The following CERT1 variants were observed in gnomAD, a reference collection of about 807,000 sequenced individuals.
CERT1 encodes ceramide transporter 1, also known as ceramide transfer protein.
CERT1 carries 31 observed loss-of-function variants against 87.9 expected under a neutral mutation model. That is an observed-to-expected ratio of 0.35 (90% confidence interval 0.27 to 0.48). The LOEUF is 0.48. CERT1 is among the 20% of genes least tolerant of loss of function. The pLI is 0.99. For missense variants in CERT1, 487 were observed against 758.0 expected (o/e 0.64, Z 4.20); for synonymous variants, 289 against 250.9 (o/e 1.15, Z -1.44).
chr5:75,423,989 C>T (rs1763496223), intron 5 of CERT1, among the ~76,000 whole-genome samples: 1 of 152,038 alleles, frequency 6.6e-6, no homozygotes, highest in Non-Finnish European at 1.5e-5. Context: ...GTCAAGCCAC[C>T]TAGTTATATT....
chr5:75,430,184 T>C (rs982837482), intron 3 of CERT1, among the ~76,000 whole-genome samples: 4 of 152,252 alleles, frequency 2.6e-5, no homozygotes, highest in Non-Finnish European at 4.4e-5. Flanking sequence ...CACCTACCAG[T>C]TGCCAAAGTA....
chr5:75,394,823 ATAAT>A (rs1160844051), intron 11 of CERT1, among the ~76,000 whole-genome samples: 3 of 152,354 alleles, frequency 2.0e-5, no homozygotes, highest in South Asian at 4.1e-4. Flanking sequence ...TTCTAAGGAA[ATAAT>A]TAGATAAGGG....
intron 10 of CERT1, among the ~76,000 whole-genome samples, chr5:75,399,651 T>C (rs1024991000): frequency 2.0e-5 from 3 of 152,198 alleles, no homozygotes; most frequent in Admixed American, 2.0e-4. Context: ...TGGATATACT[T>C]CTGGTTAACT....
intron 3 of CERT1, among the ~76,000 whole-genome samples, chr5:75,440,170 G>A (rs1194789115): frequency 1.3e-5 from 2 of 152,008 alleles, no homozygotes; most frequent in Non-Finnish European, 2.9e-5. Context: ...GAACCAGATG[G>A]AGAGATATGA....
At chr5:75,417,854 A>T (rs1488241527) in intron 6 of CERT1, among the ~76,000 whole-genome samples, 3 of 152,210 alleles carry the variant, frequency 2.0e-5, no homozygotes, top group Non-Finnish European at 4.4e-5. Context: ...GTAACCTCAA[A>T]GCTCATTAAT....
At chr5:75,507,264 G>A (rs939159294) in intron 1 of CERT1, among the ~76,000 whole-genome samples, 1 of 152,048 alleles carries the variant, frequency 6.6e-6, no homozygotes, top group Non-Finnish European at 1.5e-5. Context: ...GACTACAGGT[G>A]TGCACCCCCA....
At chr5:75,376,578 GAAGTA>G (rs1250319264), downstream of CERT1, 1 of 152,172 alleles carries the variant, frequency 6.6e-6, no homozygotes, top group Admixed American at 6.5e-5. Context: ...GAATCGATAA[GAAGTA>G]ATGTGTCCAG....
chr5:75,489,183 T>A (rs1464961392), intron 2 of CERT1, among the ~76,000 whole-genome samples: 1 of 152,218 alleles, frequency 6.6e-6, no homozygotes, highest in Admixed American at 6.5e-5. Context: ...TTGGGAAAAC[T>A]GGCTAGCCAT....
intron 14 of CERT1, among the ~76,000 whole-genome samples, 156 bp downstream of exon 14, chr5:75,384,486 T>C (rs1212704849): frequency 6.6e-6 from 1 of 152,260 alleles, no homozygotes; most frequent in Non-Finnish European, 1.5e-5. Flanking sequence ...CAAGTTGATA[T>C]ACCTTTTAAA....
chr5:75,463,219 T>C (rs1765314168), intron 2 of CERT1, among the ~76,000 whole-genome samples: 1 of 152,024 alleles, frequency 6.6e-6, no homozygotes, highest in Non-Finnish European at 1.5e-5. Context: ...TTAATTAATT[T>C]CAAGAATAAA....
intron 3 of CERT1, among the ~76,000 whole-genome samples, chr5:75,449,616 T>A (rs1351596770): frequency 6.6e-6 from 1 of 152,162 alleles, no homozygotes; most frequent in Admixed American, 6.5e-5. Context: ...TTGAAAAATT[T>A]TTTTCCAAGT....
intron 3 of CERT1, among the ~76,000 whole-genome samples, chr5:75,436,871 C>T (rs565546105): frequency 6.6e-6 from 1 of 152,256 alleles, no homozygotes; most frequent in East Asian, 1.9e-4. Flanking sequence ...CAGGCTCAGA[C>T]AATCCTCCCA....
At chr5:75,473,702 T>C (rs1765818169) in intron 2 of CERT1, among the ~76,000 whole-genome samples, 1 of 152,172 alleles carries the variant, frequency 6.6e-6, no homozygotes, top group Non-Finnish European at 1.5e-5. Flanking sequence ...TACTATGTTC[T>C]TGAAAAATGC....
chr5:75,370,505 A>C (rs1192305440), intron 17 of CERT1: 1 of 152,212 alleles, frequency 6.6e-6, no homozygotes, highest in African/African-American at 2.4e-5. Flanking sequence ...TTCTCTACCA[A>C]TCTTTTAAAA....
downstream of CERT1, chr5:75,377,729 T>C (rs150925701): frequency 2.0e-5 from 3 of 152,356 alleles, no homozygotes; most frequent in African/African-American, 7.2e-5. Flanking sequence ...TAATAGCATA[T>C]GTTAATACTA....
At chr5:75,481,234 C>G (rs1378280208) in intron 2 of CERT1, among the ~76,000 whole-genome samples, 4 of 152,152 alleles carry the variant, frequency 2.6e-5, no homozygotes, top group South Asian at 2.1e-4. Flanking sequence ...CTGGTCACCA[C>G]TTCTTCTAAA....
intron 8 of CERT1, among the ~76,000 whole-genome samples, chr5:75,406,747 G>A (rs1046894014): frequency 6.6e-6 from 1 of 152,024 alleles, no homozygotes; most frequent in African/African-American, 2.4e-5. Flanking sequence ...GTTTCACCAT[G>A]TTGGCCAGGC....
At chr5:75,419,064 G>A (rs900425456) in intron 6 of CERT1, among the ~76,000 whole-genome samples, 7 of 152,148 alleles carry the variant, frequency 4.6e-5, no homozygotes, top group Non-Finnish European at 1.0e-4. Flanking sequence ...CGCATTTACA[G>A]TCTATCAGAT....
intron 2 of CERT1, among the ~76,000 whole-genome samples, chr5:75,477,990 A>G (rs1358206003): frequency 6.6e-6 from 1 of 152,206 alleles, no homozygotes; most frequent in Non-Finnish European, 1.5e-5. Flanking sequence ...TAAAAGATAA[A>G]AAAAGGCATT....
Sources: gnomAD v4.1 joint callset for allele counts (sites outside exome capture counted in the v4.1 genomes callset) on GRCh38, gnomAD v4.1.1 for gene constraint, MANE v1.5 for transcripts, NCBI Gene and HGNC (gene_info 2026-07-23, HGNC 2026-07-21) for gene names.